ITGA7: variants seen among roughly 807,000 people sequenced by gnomAD.
ITGA7 encodes the protein integrin subunit alpha 7.
ITGA7 carries 84 observed loss-of-function variants against 131.6 expected under a neutral mutation model. That is an observed-to-expected ratio of 0.64 (90% CI 0.54 to 0.77). ITGA7 has a LOEUF of 0.77. ITGA7 is among the 30% of genes least tolerant of loss of function. ITGA7 has a pLI of 0.00. For synonymous variants in ITGA7, 548 were observed against 600.7 expected (o/e 0.91, Z 1.28); for missense variants, 1,399 against 1,482.9 (o/e 0.94, Z 0.93).
At chr12:55,706,256 G>C (rs1875161353) in intron 1 of ITGA7, among the ~76,000 whole-genome samples, 2 of 152,180 alleles carry the variant, frequency 1.3e-5, no homozygotes, top group South Asian at 4.1e-4. Flanking sequence ...GGAAGCAGAT[G>C]GTAAACAGAA....
At chr12:55,707,992 C>T, upstream of ITGA7, 10 of 1,260,182 alleles carry the variant, frequency 7.9e-6, no homozygotes, top group Non-Finnish European at 9.0e-6. Context: ...GAGACCCAAG[C>T]CCGTCTCCAA....
chr12:55,696,511 A>G, intron 12 of ITGA7, 79 bp from the exon 13 acceptor site: 1 of 1,457,020 alleles, frequency 6.9e-7, no homozygotes, highest in African/African-American at 1.4e-5. Context: ...CAGACCTAGG[A>G]CCAATTCTAA....
chr12:55,692,345 G>A (rs1375558751), intron 21 of ITGA7, among the ~76,000 whole-genome samples: 1 of 140,580 alleles, frequency 7.1e-6, no homozygotes, highest in Non-Finnish European at 1.5e-5. Context: ...TGAACCAGAG[G>A]CAGAGGTTGC....
chr12:55,712,015 T>TTTG, upstream of ITGA7: 3 of 1,465,968 alleles, frequency 2.0e-6, no homozygotes, highest in Non-Finnish European at 1.9e-6. Flanking sequence ...AAGGTCAGGC[T>TTTG]TTTCCGTCCC....
chr12:55,688,054 C>G lies in ITGA7; in HGVS notation c.3100G>C (p.Glu1034Gln). 1 of 1,614,182 alleles carries G rather than the reference C, an allele frequency of 6.2e-7. No individual in the cohort carries two copies. The highest frequency in any genetic ancestry group is 1.1e-5 in the South Asian group (1 of 91,084). ...AGGATGACCCACCAGGGCACTCCTT[C>G]TGCCACCACAGCCATGGGGTCCAAG... ...VYLDPMAVVAEGVPWWVILLA... is the reference protein window; with the variant it reads ...VYLDPMAVVAQGVPWWVILLA... Residue 1034 changes from glutamate (E) to glutamine (Q), a missense_variant, in exon 24 of 25, where the codon GAA (glutamate) becomes CAA (glutamine). By Grantham distance (29) the Glu-to-Gln change is conservative. Transcript: ENST00000257879.
intron 13 of ITGA7, 143 bp from the exon 14 acceptor site, chr12:55,695,780 G>A: frequency 1.5e-6 from 1 of 670,696 alleles, no homozygotes; most frequent in Non-Finnish European, 2.7e-6. Context: ...TTAGCCATGT[G>A]ATCCTGAACT....
upstream of ITGA7, among the ~76,000 whole-genome samples, chr12:55,715,405 A>T (rs1408667053): frequency 6.6e-6 from 1 of 152,082 alleles, no homozygotes; most frequent in Admixed American, 6.6e-5. Context: ...TTCTCGCTGG[A>T]GTTAATCCCG....
At chr12:55,696,563 G>C in intron 12 of ITGA7, 131 bp from the exon 13 acceptor site, 1 of 1,069,268 alleles carries the variant, frequency 9.4e-7, no homozygotes, top group Non-Finnish European at 1.4e-6. Flanking sequence ...GAGAGGTGGA[G>C]AACTGAGCAA....
chr12:55,703,078 A>T lies in ITGA7; in HGVS notation c.307T>A (p.Cys103Ser), dbSNP rs779677072. Residue 103 changes from cysteine to serine, a missense_variant, in exon 2 of 25, where the codon TGC (cysteine) becomes AGC (serine). Cys to Ser is a moderately radical substitution (Grantham distance 112). Transcript: ENST00000257879. ...CCCTGGTCGATGTCCACTCTGTAGCAGTCAGTCTCCTCCAGGCTCAACGGG... is the reference window on the plus strand; with the variant it reads ...CCCTGGTCGATGTCCACTCTGTAGCTGTCAGTCTCCTCCAGGCTCAACGGG... ...ACPLSLEETD[C>S]YRVDIDQGAD... The T allele has an allele frequency of 8.1e-6, 13 of 1,614,020 alleles. No homozygotes were observed. The East Asian group carries it at 2.9e-4, about 36-fold the overall frequency.
At chr12:55,703,303 G>A (rs1874481040) in intron 1 of ITGA7, 125 bp from the exon 2 acceptor site, 1 of 1,086,590 alleles carries the variant, frequency 9.2e-7, no homozygotes, top group Non-Finnish European at 1.3e-6. Context: ...TAAAGAGAAG[G>A]GGCAAATGTC....
At chr12:55,701,998 C>A (rs1432373191) in intron 3 of ITGA7, among the ~76,000 whole-genome samples, 1 of 152,022 alleles carries the variant, frequency 6.6e-6, no homozygotes, top group Non-Finnish European at 1.5e-5. Context: ...AAACAGAGAG[C>A]TCTGGTTTTT....
chr12:55,697,499 C>A lies in ITGA7; in HGVS notation c.1457G>T (p.Arg486Leu), dbSNP rs1045615147. 1 of 1,614,126 alleles carries A rather than the reference C, an allele frequency of 6.2e-7. No individual in the cohort carries two copies. The change falls in exon 10 of 25, where the codon CGA (arginine) becomes CTA (leucine). Residue 486 changes from arginine (R) to leucine (L), a missense_variant. Arg to Leu is a moderately radical substitution (Grantham distance 102, BLOSUM62 -2). Transcript: ENST00000257879. ...HVSHEVSIAP[R>L]SIDLEQPNCA... ...GTTGGGCTGCTCCAGGTCGATGCTTCGTGGAGCAATAGAGACCTCATGGGA... is the reference window on the plus strand; with the variant it reads ...GTTGGGCTGCTCCAGGTCGATGCTTAGTGGAGCAATAGAGACCTCATGGGA...
In ITGA7 at chr12:55,707,825, C is replaced by CA; in HGVS notation, c.-144_-143insT. ...CCCAGACGTTCGCCCCGCCAGCCCT[C>CA]CCGCCCGCCCGCCGCTCCGCCACCC... On this transcript the variant is annotated 5_prime_UTR_variant, in exon 1 of 25. Coordinates refer to ENST00000257879, the MANE Select transcript of ITGA7 (RefSeq NM_002206.3). 5.6e-6 allele frequency: 7 copies of CA among 1,255,604 alleles called. No individual in the cohort carries two copies. Among genetic ancestry groups the CA allele is most frequent in the Non-Finnish European group, 7.6e-6 (7 of 920,398 alleles). The allele number at this position is 1,255,604 out of a possible 1,614,324, so 77.8% of individuals were successfully genotyped here.
intron 7 of ITGA7, 178 bp from the exon 8 acceptor site, chr12:55,698,204 A>AAGG: frequency 1.2e-6 from 1 of 832,388 alleles, no homozygotes; most frequent in Non-Finnish European, 1.9e-6. Flanking sequence ...AGATATTACT[A>AAGG]ACGCAAAAAG....
At chr12:55,706,033 G>A (rs1875106723) in intron 1 of ITGA7, among the ~76,000 whole-genome samples, 1 of 152,176 alleles carries the variant, frequency 6.6e-6, no homozygotes, top group South Asian at 2.1e-4. Flanking sequence ...CAGGCCCTCT[G>A]GGAAAGGCCC....
upstream of ITGA7, among the ~76,000 whole-genome samples, chr12:55,713,473 C>G (rs1421981171): frequency 6.6e-6 from 1 of 152,170 alleles, no homozygotes; most frequent in African/African-American, 2.4e-5. Flanking sequence ...AGTCAGATAG[C>G]CTGGATTTGT....
intron 21 of ITGA7, among the ~76,000 whole-genome samples, chr12:55,691,939 A>G (rs1871499438): frequency 6.6e-6 from 1 of 151,998 alleles, no homozygotes; most frequent in South Asian, 2.1e-4. Context: ...CCACATTCTC[A>G]CTGCGAGCCC....
Position 55,707,526 on chromosome 12 carries a change from C to A in ITGA7, c.157G>T (p.Gly53Cys), listed in dbSNP as rs757119118. The part of the protein sequence containing the change: ...RKEGEPGSLF[G>C]FSVALHRQLQ... ...TGCCGGTGCAGGGCCACAGAGAAGC[C>A]GAAGAGGCTGCCTGGCTCGCCCTCC... Residue 53 changes from glycine to cysteine, a missense_variant, in exon 1 of 25, where the codon GGC becomes TGC. By Grantham distance (159) the Gly-to-Cys change is radical (BLOSUM62 -3). Transcript: ENST00000257879. 1 of 1,613,932 alleles carries A rather than the reference C, an allele frequency of 6.2e-7. No homozygotes were observed. Among genetic ancestry groups the A allele is most frequent in the Non-Finnish European group, 8.5e-7 (1 of 1,179,962 alleles).
chr12:55,686,176 G>A, intron 24 of ITGA7: 4 of 1,245,184 alleles, frequency 3.2e-6, no homozygotes, highest in Non-Finnish European at 4.3e-6. Flanking sequence ...ACACACACTA[G>A]ACACATGCAC....
Sources: allele counts gnomAD v4.1 joint callset (sites outside exome capture counted in the v4.1 genomes callset), GRCh38; gene constraint gnomAD v4.1.1; transcripts MANE v1.5; gene names NCBI Gene and HGNC (gene_info 2026-07-23, HGNC 2026-07-21).